Variants in ASAP1 observed in about 807,000 individuals in gnomAD.
ASAP1 encodes the protein arf-GAP with SH3 domain, ANK repeat and PH domain-containing protein 1.
ASAP1 carries 43 observed loss-of-function variants against 145.2 expected under a neutral mutation model. That is an observed-to-expected ratio of 0.30 (90% CI 0.23 to 0.38). ASAP1 has a LOEUF of 0.38. ASAP1 is among the 10% of genes least tolerant of loss of function. The pLI, the probability that ASAP1 is intolerant of heterozygous loss-of-function variation, is 1.00. For synonymous variants in ASAP1, 546 were observed against 515.5 expected, an observed-to-expected ratio of 1.06 and a Z score of -0.80; for missense variants, 1,018 against 1,355.3, an observed-to-expected ratio of 0.75 and a Z score of 3.91.
At chr8:130,280,371 G>T (rs949770240) in intron 3 of ASAP1, among the ~76,000 whole-genome samples, 12 of 152,194 alleles carry the variant, frequency 7.9e-5, no homozygotes, top group African/African-American at 2.4e-4. Context: ...CCAAGAAACT[G>T]GGCATTTTGT....
rs146276750 is a variant in ASAP1, at chr8:130,361,542, C to A, written c.60-3399G>T. On this transcript the variant is annotated intron_variant, in intron 2 of 29. Coordinates refer to ENST00000518721, the MANE Select transcript of ASAP1 (RefSeq NM_018482.4). ...TTCATTTGAAGATTATGTTATGTAT[C>A]TGCTCCTCCCCCATCTCCTTTGGCC... The A allele has an allele frequency of 1.1e-3, 804 of 722,946 alleles. 1 individual carries two copies. Among genetic ancestry groups the A allele is most frequent in the Non-Finnish European group, 1.6e-3 (681 of 413,722 alleles). 44.8% of individuals were successfully genotyped at this position (722,946 alleles called of 1,614,324 possible). A position where few individuals can be genotyped will look rare whatever the true frequency, so the allele number is the denominator to read the frequency against.
At chr8:130,193,919 G>T (rs1485030332) in intron 5 of ASAP1, among the ~76,000 whole-genome samples, 1 of 152,096 alleles carries the variant, frequency 6.6e-6, no homozygotes, top group African/African-American at 2.4e-5. Flanking sequence ...CCAACTCCTG[G>T]CCTCATGTGA....
intron 3 of ASAP1, chr8:130,246,972 C>G (rs531573895): frequency 6.6e-6 from 1 of 152,294 alleles, no homozygotes; most frequent in African/African-American, 2.4e-5. Flanking sequence ...CAACCTTTGC[C>G]TCTTGGAAGA....
chr8:130,267,832 C>A (rs1235212143), intron 3 of ASAP1, among the ~76,000 whole-genome samples: 1 of 152,130 alleles, frequency 6.6e-6, no homozygotes, highest in Non-Finnish European at 1.5e-5. Context: ...TTGGGTGAGG[C>A]CCTCTCTCTA....
At chr8:130,206,235 T>A (rs965997187) in intron 5 of ASAP1, among the ~76,000 whole-genome samples, 1 of 152,132 alleles carries the variant, frequency 6.6e-6, no homozygotes, top group Non-Finnish European at 1.5e-5. Context: ...AAACTGCCAA[T>A]GATTGATGAC....
At chr8:130,321,987 T>G (rs1824036243) in intron 3 of ASAP1, among the ~76,000 whole-genome samples, 1 of 152,258 alleles carries the variant, frequency 6.6e-6, no homozygotes, top group African/African-American at 2.4e-5. Flanking sequence ...TCTAGCAAAT[T>G]AAACTTGCTT....
chr8:130,187,846 G>A (rs939044597), intron 6 of ASAP1, among the ~76,000 whole-genome samples: 2 of 152,288 alleles, frequency 1.3e-5, no homozygotes, highest in Middle Eastern at 3.4e-3. Flanking sequence ...GTCACACTGT[G>A]GGAGCCAAGA....
chr8:130,377,502 C>T (rs1827559352), intron 2 of ASAP1, among the ~76,000 whole-genome samples: 1 of 152,240 alleles, frequency 6.6e-6, no homozygotes, highest in South Asian at 2.1e-4. Flanking sequence ...CGCCTCCTGC[C>T]TGCTGGCCTC....
intron 1 of ASAP1, among the ~76,000 whole-genome samples, chr8:130,425,410 G>GACACCAT (rs1829879852): frequency 6.6e-6 from 1 of 151,980 alleles, no homozygotes; most frequent in African/African-American, 2.4e-5. Context: ...CCAACTGTTT[G>GACACCAT]GGAGGCTGAG....
chr8:130,160,910 A>G (rs1006745937), intron 11 of ASAP1: 3 of 697,328 alleles, frequency 4.3e-6, no homozygotes, highest in Non-Finnish European at 4.2e-6. Flanking sequence ...TACACAGAAA[A>G]TATCACTGTA....
intron 3 of ASAP1, among the ~76,000 whole-genome samples, chr8:130,283,583 GAAAGAAAAAAAAAAAAAAAAA>G (rs1821395182): frequency 1.0e-5 from 1 of 98,792 alleles, no homozygotes; most frequent in African/African-American, 4.2e-5. Context: ...CTCCATCACA[GAAAGAAAAAAAAAAAAAAAAA>G]AAAAAAAAAA....
chr8:130,157,948 C>G (rs1181132178), intron 12 of ASAP1, among the ~76,000 whole-genome samples: 4 of 152,130 alleles, frequency 2.6e-5, no homozygotes, highest in African/African-American at 9.7e-5. Context: ...AATGTCAGCT[C>G]TATCAGGGCC....
chr8:130,214,835 A>C, intron 4 of ASAP1, 134 bp from the exon 5 acceptor site: 1 of 722,966 alleles, frequency 1.4e-6, no homozygotes. Flanking sequence ...CACATGTCCC[A>C]AAGGTTAGGT....
At chr8:130,276,718 ACACACACACACT>A (rs1490042950) in intron 3 of ASAP1, among the ~76,000 whole-genome samples, 16 of 126,138 alleles carry the variant, frequency 1.3e-4, no homozygotes, top group Admixed American at 9.1e-4. Flanking sequence ...ACACACACAC[ACACACACACACT>A]CTCTCTCTCT....
intron 5 of ASAP1, among the ~76,000 whole-genome samples, chr8:130,192,160 G>A (rs1330199671): frequency 1.3e-5 from 2 of 152,102 alleles, no homozygotes. Context: ...GAGAGCTATA[G>A]TCTGAGAGTC....
intron 25 of ASAP1, among the ~76,000 whole-genome samples, chr8:130,088,871 C>T (rs2097499615): frequency 1.3e-5 from 2 of 152,188 alleles, no homozygotes; most frequent in South Asian, 4.1e-4. Flanking sequence ...AATACAGACA[C>T]TATTACTAGC....
intron 2 of ASAP1, among the ~76,000 whole-genome samples, chr8:130,385,944 A>G (rs762251330): frequency 6.6e-6 from 1 of 152,198 alleles, no homozygotes; most frequent in Non-Finnish European, 1.5e-5. Flanking sequence ...GGGAATGATC[A>G]GGTGACATGG....
intron 3 of ASAP1, among the ~76,000 whole-genome samples, chr8:130,311,494 G>A (rs1266317333): frequency 6.6e-6 from 1 of 152,198 alleles, no homozygotes; most frequent in Non-Finnish European, 1.5e-5. Flanking sequence ...CAGTGTGGTG[G>A]CTCACGCCTG....
chr8:130,125,060 A>G (rs1358344122), intron 17 of ASAP1, among the ~76,000 whole-genome samples: 1 of 152,208 alleles, frequency 6.6e-6, no homozygotes, highest in Non-Finnish European at 1.5e-5. Context: ...CTGGGTCACT[A>G]ACTGCCCTTT....
Sources: gnomAD v4.1 joint callset for allele counts (sites outside exome capture counted in the v4.1 genomes callset) on GRCh38, gnomAD v4.1.1 for gene constraint, MANE v1.5 for transcripts, NCBI Gene and HGNC (gene_info 2026-07-23, HGNC 2026-07-21) for gene names.